The following MTUS2 variants were observed in gnomAD, a reference collection of about 807,000 sequenced individuals.
The protein encoded by MTUS2 is microtubule-associated tumor suppressor candidate 2.
MTUS2 carries 40 observed loss-of-function variants against 114.1 expected under a neutral mutation model. The ratio of observed to expected loss-of-function variants is 0.35; its 90% CI spans 0.27 to 0.46. The LOEUF (loss-of-function observed/expected upper bound fraction) is 0.46, where lower values mean the gene tolerates loss of function less well. MTUS2 is among the 20% of genes least tolerant of loss of function. MTUS2 has a pLI of 1.00. For missense variants in MTUS2, 1,679 were observed against 1,705.4 expected, an observed-to-expected ratio of 0.98 and a Z score of 0.27; for synonymous variants, 688 against 672.0, an observed-to-expected ratio of 1.02 and a Z score of -0.37.
At chr13:29,290,776 A>G (rs1401239201) in intron 6 of MTUS2, among the ~76,000 whole-genome samples, 2 of 152,096 alleles carry the variant, frequency 1.3e-5, no homozygotes. Flanking sequence ...TCACGAGTTT[A>G]GTTGTCTAAT....
At position 29,062,126 on chromosome 13, in the gene MTUS2, A is replaced by C. The variant is rs560173798; in HGVS notation, c.2446+28001A>C. On this transcript the variant is annotated intron_variant, in intron 4 of 15. Transcript: ENST00000612955. ...CAGCCTCCCATGTAGCTGGGACCTCAGGTGCGCATCATCATGCCTGGCTAA... is the reference window on the plus strand; with the variant it reads ...CAGCCTCCCATGTAGCTGGGACCTCCGGTGCGCATCATCATGCCTGGCTAA... Among the ~76,000 whole-genome samples the C allele has an allele frequency of 3.3e-5, 5 of 152,260 alleles. No individual in the cohort carries two copies. In the East Asian group the frequency reaches 9.7e-4, roughly 29 times the overall value.
chr13:29,389,765 G>GTA (rs1367503000), intron 8 of MTUS2, among the ~76,000 whole-genome samples: 1 of 5,470 alleles, frequency 1.8e-4, no homozygotes, highest in Non-Finnish European at 4.2e-4. Flanking sequence ...GTGTGTATAT[G>GTA]TATATACATA....
At chr13:29,334,796 CG>C (rs572639076) in intron 7 of MTUS2, among the ~76,000 whole-genome samples, 91 of 152,282 alleles carry the variant, frequency 6.0e-4, no homozygotes, top group African/African-American at 2.0e-3. Context: ...GCTGAAGCCA[CG>C]GCAGAAGAAC....
intron 5 of MTUS2, among the ~76,000 whole-genome samples, chr13:29,239,111 C>A (rs1295453514): frequency 6.6e-6 from 1 of 152,078 alleles, no homozygotes; most frequent in Non-Finnish European, 1.5e-5. Flanking sequence ...GTGTTCTCAC[C>A]ACAGACACAC....
At chr13:29,457,390 A>G (rs1358682893) in intron 9 of MTUS2, among the ~76,000 whole-genome samples, 1 of 145,006 alleles carries the variant, frequency 6.9e-6, no homozygotes, top group Non-Finnish European at 1.5e-5. Flanking sequence ...TTTCATATGG[A>G]TAGTATATAT....
chr13:29,199,671 C>A (rs1004071252), intron 5 of MTUS2, among the ~76,000 whole-genome samples: 5 of 152,056 alleles, frequency 3.3e-5, no homozygotes, highest in South Asian at 4.2e-4. Context: ...TGTGTCTCTG[C>A]CAGGTTTTGG....
At chr13:29,447,887 T>C (rs550977887) in intron 9 of MTUS2, among the ~76,000 whole-genome samples, 2 of 152,288 alleles carry the variant, frequency 1.3e-5, no homozygotes, top group African/African-American at 4.8e-5. Context: ...AAATAAAATA[T>C]GACCCTTGAT....
intron 4 of MTUS2, among the ~76,000 whole-genome samples, chr13:29,037,323 A>T (rs1414386895): frequency 6.6e-6 from 1 of 152,202 alleles, no homozygotes; most frequent in Non-Finnish European, 1.5e-5. Flanking sequence ...TTCTTTAAGA[A>T]TGTTGAATAT....
chr13:28,988,125 A>G (rs960051545), intron 2 of MTUS2, among the ~76,000 whole-genome samples: 1 of 152,246 alleles, frequency 6.6e-6, no homozygotes, highest in African/African-American at 2.4e-5. Flanking sequence ...AGCAATTAGG[A>G]TAGAGACAGG....
At chr13:29,500,681 A>AG (rs1237094896) in intron 14 of MTUS2, among the ~76,000 whole-genome samples, 1 of 152,178 alleles carries the variant, frequency 6.6e-6, no homozygotes, top group Admixed American at 6.5e-5. Flanking sequence ...CCCTTTGGGA[A>AG]GAGCCATGAG....
rs139624746 is a variant in MTUS2 at position 29,319,874 on chromosome 13, C to G, written c.2807-4739C>G. 8.1e-3 allele frequency among the ~76,000 whole-genome samples: 1,237 copies of G among 152,182 alleles called. 16 individuals carry two copies. The highest frequency in any genetic ancestry group is 0.029 in the African/African-American group (1,188 of 41,494). On this transcript the variant is annotated intron_variant, in intron 6 of 15. Transcript: ENST00000612955. ...AAGCTAAAAAAAAAATAAGGAAAAA[C>G]TTCATAAATAAGTGTCAGGGACTCC...
At chr13:29,489,564 C>G (rs908183810) in intron 11 of MTUS2, 18 of 152,122 alleles carry the variant, frequency 1.2e-4, no homozygotes, top group African/African-American at 4.3e-4. Context: ...GGTCTCTACC[C>G]TCGGCTACAC....
At chr13:28,848,266 A>C (rs1038841218) in intron 2 of MTUS2, among the ~76,000 whole-genome samples, 16 of 152,200 alleles carry the variant, frequency 1.1e-4, no homozygotes, top group Non-Finnish European at 2.1e-4. Context: ...ACTTCAAAAA[A>C]ATAGTTTAAA....
intron 8 of MTUS2, among the ~76,000 whole-genome samples, chr13:29,417,079 G>A (rs149438570): frequency 4.1e-4 from 63 of 152,334 alleles, no homozygotes; most frequent in African/African-American, 1.4e-3. Flanking sequence ...CAGTTCTGCA[G>A]GTTGTGCAAG....
chr13:29,474,981 A>G (rs1301842014), intron 9 of MTUS2, among the ~76,000 whole-genome samples: 1 of 152,230 alleles, frequency 6.6e-6, no homozygotes, highest in Non-Finnish European at 1.5e-5. Flanking sequence ...TTTCCCATGC[A>G]AAACAGTACT....
At position 28,839,465 on chromosome 13, in the gene MTUS2, G is replaced by A. The variant is rs568180377; in HGVS notation, c.-315-313G>A. On this transcript the variant is annotated intron_variant, in intron 1 of 15. Transcript: ENST00000612955. Reference sequence around the variant, plus strand: ...TACTTCATTTATATGGTTTATTTAAGAATCAGTTTTCAGATCATTAACTAC... The same window carrying A: ...TACTTCATTTATATGGTTTATTTAAAAATCAGTTTTCAGATCATTAACTAC... Among the ~76,000 whole-genome samples, 4 of 152,176 alleles carry A rather than the reference G, an allele frequency of 2.6e-5. No individual in the cohort carries two copies. The South Asian group carries it at 8.3e-4, about 32-fold the overall frequency.
chr13:29,399,352 A>G (rs1593401095), intron 8 of MTUS2, among the ~76,000 whole-genome samples: 1 of 152,272 alleles, frequency 6.6e-6, no homozygotes, highest in Non-Finnish European at 1.5e-5. Flanking sequence ...CTCCTGTCTC[A>G]TCCTGTGACT....
At chr13:29,474,429 G>T (rs886107717) in intron 9 of MTUS2, among the ~76,000 whole-genome samples, 45 of 152,098 alleles carry the variant, frequency 3.0e-4, no homozygotes, top group Non-Finnish European at 4.6e-4. Flanking sequence ...TTACTTCTAA[G>T]TCATGCAAAC....
At chr13:29,454,606 G>T (rs1878970544) in intron 9 of MTUS2, among the ~76,000 whole-genome samples, 2 of 152,124 alleles carry the variant, frequency 1.3e-5, no homozygotes, top group South Asian at 4.1e-4. Flanking sequence ...TCCAGAAAAG[G>T]CCGTAGCAAG....
Sources: allele counts gnomAD v4.1 joint callset (sites outside exome capture counted in the v4.1 genomes callset), GRCh38; gene constraint gnomAD v4.1.1; transcripts MANE v1.5; gene names NCBI Gene and HGNC (gene_info 2026-07-23, HGNC 2026-07-21).